The following ENTREP2 variants were observed in gnomAD, a reference collection of about 807,000 sequenced individuals.
The protein encoded by ENTREP2 is endosomal transmembrane epsin interactor 2, also known as protein ENTREP2.
At chr15:29,657,324 C>T in the ENTREP2 span, among the ~76,000 whole-genome samples, 3 of 151,612 alleles carry the variant, frequency 2.0e-5, no homozygotes, top group African/African-American at 7.3e-5. Context: ...CCTCCCAAAG[C>T]GCCCACCAGT....
chr15:29,407,498 G>T, the ENTREP2 span, among the ~76,000 whole-genome samples: 795 of 152,218 alleles, frequency 5.2e-3, 10 homozygotes, highest in African/African-American at 0.018. Flanking sequence ...GAAGACATGG[G>T]CTCAAGAAAA....
the ENTREP2 span, among the ~76,000 whole-genome samples, chr15:29,390,923 C>T: frequency 6.6e-6 from 1 of 152,132 alleles, no homozygotes; most frequent in Non-Finnish European, 1.5e-5. Flanking sequence ...CACTAAGAAG[C>T]CAGCATTCAC....
At chr15:29,439,310 CACACACACACACACACACACACAA>C in the ENTREP2 span, among the ~76,000 whole-genome samples, 5 of 149,580 alleles carry the variant, frequency 3.3e-5, no homozygotes, top group African/African-American at 7.4e-5. Context: ...CACACACACA[CACACACACACACACACACACACAA>C]ACAGTAGAGG....
At chr15:29,636,193 A>G in the ENTREP2 span, among the ~76,000 whole-genome samples, 2 of 152,176 alleles carry the variant, frequency 1.3e-5, no homozygotes, top group Admixed American at 1.3e-4. Context: ...TGGAAAAGCA[A>G]TCTCGTCGCG....
At chr15:29,504,621 G>T in the ENTREP2 span, among the ~76,000 whole-genome samples, 4 of 152,192 alleles carry the variant, frequency 2.6e-5, no homozygotes, top group Non-Finnish European at 5.9e-5. Context: ...TCTGCCTCGT[G>T]CTTTTATACT....
the ENTREP2 span, among the ~76,000 whole-genome samples, chr15:29,458,986 G>A: frequency 6.6e-6 from 1 of 152,154 alleles, no homozygotes; most frequent in Non-Finnish European, 1.5e-5. Flanking sequence ...CATGTTCCCA[G>A]GCGCAGAGCA....
chr15:29,618,279 T>G, the ENTREP2 span, among the ~76,000 whole-genome samples: 1 of 151,908 alleles, frequency 6.6e-6, no homozygotes, highest in Admixed American at 6.6e-5. Context: ...AAAAATTAGC[T>G]GGGCGTGGTG....
the ENTREP2 span, among the ~76,000 whole-genome samples, chr15:29,133,569 A>C: frequency 1.3e-5 from 2 of 152,196 alleles, no homozygotes; most frequent in Non-Finnish European, 2.9e-5. Flanking sequence ...ATGGTGCGCC[A>C]CGTGGCCCTG....
the ENTREP2 span, among the ~76,000 whole-genome samples, chr15:29,517,889 A>G: frequency 6.6e-6 from 1 of 152,186 alleles, no homozygotes; most frequent in Non-Finnish European, 1.5e-5. Context: ...TACCATAATC[A>G]AGCTAATTAA....
At chr15:29,421,353 C>T in the ENTREP2 span, among the ~76,000 whole-genome samples, 1 of 152,110 alleles carries the variant, frequency 6.6e-6, no homozygotes, top group South Asian at 2.1e-4. Context: ...GGAAGGGGAA[C>T]CAGAGAGAAA....
the ENTREP2 span, among the ~76,000 whole-genome samples, chr15:29,358,202 G>A: frequency 1.3e-5 from 2 of 152,072 alleles, no homozygotes; most frequent in Non-Finnish European, 2.9e-5. Context: ...AAGGAGAACA[G>A]ACAAACATAT....
the ENTREP2 span, among the ~76,000 whole-genome samples, chr15:29,339,798 T>C: frequency 6.6e-6 from 1 of 152,242 alleles, no homozygotes; most frequent in Non-Finnish European, 1.5e-5. Context: ...TCCCGTTTAA[T>C]AAACTGCTTA....
the ENTREP2 span, among the ~76,000 whole-genome samples, chr15:29,126,709 T>C: frequency 6.6e-6 from 1 of 152,154 alleles, no homozygotes; most frequent in African/African-American, 2.4e-5. Context: ...TTCGGGGGCT[T>C]AGACCCTTCA....
the ENTREP2 span, among the ~76,000 whole-genome samples, chr15:29,145,802 G>A: frequency 5.9e-5 from 9 of 151,984 alleles, no homozygotes; most frequent in Admixed American, 2.6e-4. Context: ...ATTCAACATC[G>A]TAGTGGAGGT....
the ENTREP2 span, among the ~76,000 whole-genome samples, chr15:29,184,141 C>T: frequency 1.3e-5 from 2 of 152,158 alleles, no homozygotes; most frequent in Non-Finnish European, 2.9e-5. Context: ...CGCACCACCA[C>T]ATCCAGCTAA....
chr15:29,475,815 G>A, the ENTREP2 span, among the ~76,000 whole-genome samples: 5 of 152,296 alleles, frequency 3.3e-5, no homozygotes, highest in East Asian at 9.7e-4. Flanking sequence ...CCCTCTCCAG[G>A]CAGGCCTTCC....
At chr15:29,551,518 AT>A in the ENTREP2 span, among the ~76,000 whole-genome samples, 1 of 152,170 alleles carries the variant, frequency 6.6e-6, no homozygotes, top group African/African-American at 2.4e-5. Flanking sequence ...TATATACAAA[AT>A]AAAGGGAGCC....
chr15:29,441,934 C>T, the ENTREP2 span, among the ~76,000 whole-genome samples: 1 of 152,208 alleles, frequency 6.6e-6, no homozygotes, highest in Non-Finnish European at 1.5e-5. Context: ...CCAGACACCA[C>T]ACCCATGTGT....
At chr15:29,435,995 C>A in the ENTREP2 span, among the ~76,000 whole-genome samples, 7 of 152,220 alleles carry the variant, frequency 4.6e-5, no homozygotes, top group Non-Finnish European at 8.8e-5. Context: ...TGTACTAGAG[C>A]AGCCAATGGC....
Sources: gnomAD v4.1 joint callset for allele counts (sites outside exome capture counted in the v4.1 genomes callset) on GRCh38, gnomAD v4.1.1 for gene constraint, MANE v1.5 for transcripts, NCBI Gene and HGNC (gene_info 2026-07-23, HGNC 2026-07-21) for gene names.